Variants in NRG1 observed in about 807,000 individuals in gnomAD.
NRG1 encodes the protein pro-neuregulin-1, membrane-bound isoform.
A neutral mutation model predicts 63.8 loss-of-function variants in NRG1; 18 were observed. The observed-to-expected ratio is 0.28, with a 90% CI of 0.19 to 0.42. The LOEUF is 0.42. NRG1 is among the 10% of genes least tolerant of loss of function. The pLI, the probability that NRG1 is intolerant of heterozygous loss-of-function variation, is 1.00. For synonymous variants in NRG1, 302 were observed against 301.3 expected (o/e 1.00, Z -0.02); for missense variants, 762 against 814.7 (o/e 0.94, Z 0.79).
chr8:32,536,829 C>G (rs1832020404), intron 1 of NRG1, among the ~76,000 whole-genome samples: 1 of 135,436 alleles, frequency 7.4e-6, no homozygotes, highest in South Asian at 2.3e-4. Flanking sequence ...GAGGCTGAGG[C>G]AGAAGAATGG....
At chr8:31,711,744 G>A (rs1811771634) in intron 1 of NRG1, among the ~76,000 whole-genome samples, 2 of 152,228 alleles carry the variant, frequency 1.3e-5, no homozygotes, top group African/African-American at 4.8e-5. Context: ...TACAGTTCTG[G>A]AGGCTGAGAA....
chr8:32,672,029 G>A (rs752807679), intron 5 of NRG1, among the ~76,000 whole-genome samples: 3 of 146,846 alleles, frequency 2.0e-5, no homozygotes, highest in Non-Finnish European at 4.5e-5. Context: ...CTTCTATTCC[G>A]ATATGTGTTT....
chr8:32,043,073 A>G (rs1047950663), intron 1 of NRG1, among the ~76,000 whole-genome samples: 1 of 151,822 alleles, frequency 6.6e-6, no homozygotes, highest in African/African-American at 2.4e-5. Context: ...CAAATCACAT[A>G]AACCTACAGA....
intron 1 of NRG1, among the ~76,000 whole-genome samples, chr8:31,724,529 A>C (rs971012398): frequency 1.3e-5 from 2 of 152,128 alleles, no homozygotes; most frequent in African/African-American, 4.8e-5. Flanking sequence ...TTGCTCCTTC[A>C]CAAACTAAAA....
At chr8:32,466,095 T>A (rs1343311074) in intron 1 of NRG1, among the ~76,000 whole-genome samples, 4 of 152,122 alleles carry the variant, frequency 2.6e-5, no homozygotes, top group Non-Finnish European at 5.9e-5. Flanking sequence ...TTGAGCTCAG[T>A]AGTTCAAGAC....
At chr8:32,174,032 T>G (rs1405293274) in intron 1 of NRG1, among the ~76,000 whole-genome samples, 2 of 152,148 alleles carry the variant, frequency 1.3e-5, no homozygotes, top group African/African-American at 2.4e-5. Context: ...ATCAACAGAA[T>G]ATACATTCTT....
chr8:31,706,174 C>T (rs1437842547), intron 1 of NRG1, among the ~76,000 whole-genome samples: 1 of 152,062 alleles, frequency 6.6e-6, no homozygotes, highest in Non-Finnish European at 1.5e-5. Context: ...TCCTTTTACT[C>T]CCCCTCCCTT....
At chr8:31,884,515 C>T (rs1397550656) in intron 1 of NRG1, among the ~76,000 whole-genome samples, 1 of 152,092 alleles carries the variant, frequency 6.6e-6, no homozygotes, top group Non-Finnish European at 1.5e-5. Context: ...CTTGACAGAA[C>T]TGCCTTTTCT....
At chr8:32,457,141 T>C (rs189002683) in intron 1 of NRG1, among the ~76,000 whole-genome samples, 7 of 151,986 alleles carry the variant, frequency 4.6e-5, no homozygotes, top group Admixed American at 4.6e-4. Flanking sequence ...AAAAAATAAA[T>C]AAATAAATAA....
intron 1 of NRG1, among the ~76,000 whole-genome samples, chr8:31,737,806 C>T (rs1007648536): frequency 5.9e-5 from 9 of 152,058 alleles, no homozygotes; most frequent in African/African-American, 1.7e-4. Context: ...GACAAGAAAG[C>T]GTTCCACAGT....
At chr8:31,842,859 C>A (rs972079365) in intron 1 of NRG1, among the ~76,000 whole-genome samples, 2 of 152,216 alleles carry the variant, frequency 1.3e-5, no homozygotes, top group South Asian at 4.1e-4. Context: ...ATTGTCAGGG[C>A]AAGTTTTACC....
intron 1 of NRG1, among the ~76,000 whole-genome samples, chr8:32,156,404 C>T (rs935877328): frequency 1.3e-5 from 2 of 152,294 alleles, no homozygotes; most frequent in South Asian, 4.1e-4. Flanking sequence ...TTGCTCATGT[C>T]ATACTTTTTA....
chr8:31,966,182 A>G (rs1308142302), intron 1 of NRG1, among the ~76,000 whole-genome samples: 2 of 152,154 alleles, frequency 1.3e-5, no homozygotes, highest in African/African-American at 4.8e-5. Context: ...GAAGAAAAGG[A>G]GAAAAAATGT....
At chr8:32,378,934 A>G (rs1320543974) in intron 1 of NRG1, among the ~76,000 whole-genome samples, 2 of 152,070 alleles carry the variant, frequency 1.3e-5, no homozygotes, top group African/African-American at 4.8e-5. Context: ...CCATGTCCCT[A>G]CAAAGGACAT....
chr8:32,726,464 A>G (rs138711991), intron 5 of NRG1, among the ~76,000 whole-genome samples: 3 of 152,276 alleles, frequency 2.0e-5, no homozygotes, highest in African/African-American at 7.2e-5. Context: ...GTAGGAGACA[A>G]GACTTGAACC....
chr8:32,679,912 T>C (rs1808163572), intron 5 of NRG1, among the ~76,000 whole-genome samples: 1 of 152,228 alleles, frequency 6.6e-6, no homozygotes, highest in Non-Finnish European at 1.5e-5. Context: ...AAGTCATTAT[T>C]ACCTTGCTCC....
At chr8:32,220,759 G>T (rs2132479880) in intron 1 of NRG1, among the ~76,000 whole-genome samples, 1 of 152,250 alleles carries the variant, frequency 6.6e-6, no homozygotes, top group African/African-American at 2.4e-5. Flanking sequence ...GAGCTCCTCC[G>T]CGGTCTCCCC....
At chr8:32,067,261 T>C (rs1013749867) in intron 1 of NRG1, among the ~76,000 whole-genome samples, 3 of 152,176 alleles carry the variant, frequency 2.0e-5, no homozygotes, top group Non-Finnish European at 2.9e-5. Context: ...ATCCCTGTCT[T>C]GTGCCAGTTT....
At chr8:32,132,166 G>T (rs940244253) in intron 1 of NRG1, among the ~76,000 whole-genome samples, 3 of 151,988 alleles carry the variant, frequency 2.0e-5, no homozygotes, top group African/African-American at 7.2e-5. Flanking sequence ...ACAATGGGAG[G>T]CTTATTAGGA....
Sources: allele counts gnomAD v4.1 joint callset (sites outside exome capture counted in the v4.1 genomes callset), GRCh38; gene constraint gnomAD v4.1.1; transcripts MANE v1.5; gene names NCBI Gene and HGNC (gene_info 2026-07-23, HGNC 2026-07-21).